Variants in PHACTR2 observed in about 807,000 individuals in gnomAD.
PHACTR2 encodes phosphatase and actin regulator 2.
Under a neutral mutation model 76.0 loss-of-function variants are expected in PHACTR2, and 30 were observed. The observed-to-expected ratio is 0.39, with a 90% confidence interval of 0.30 to 0.54. The LOEUF is 0.54. Ranked by LOEUF, PHACTR2 falls within the 20% of genes least tolerant of loss-of-function variation. The pLI, the probability that PHACTR2 is intolerant of heterozygous loss-of-function variation, is 0.61. For missense variants in PHACTR2, 696 were observed against 781.1 expected (o/e 0.89, Z 1.30); for synonymous variants, 292 against 292.5 (o/e 1.00, Z 0.02).
chr6:143,823,734 G>T lies in PHACTR2; in HGVS notation c.*45G>T. 6.5e-7 allele frequency: 1 copy of T among 1,535,330 alleles called. No individual in the cohort carries two copies. The highest frequency in any genetic ancestry group is 9.0e-7 in the Non-Finnish European group (1 of 1,108,432). On this transcript the variant is annotated 3_prime_UTR_variant, in exon 13 of 13. Transcript: ENST00000440869. This position sits in a 1 kb window ranked among gnomAD's most constrained non-coding sequence, Gnocchi z 5.7. Reference sequence around the variant, plus strand: ...GAAACAGAGACTGATCATCTTTGGGGGAAGCCCTGCTTCCTGAAAACCTGA... The same window carrying T: ...GAAACAGAGACTGATCATCTTTGGGTGAAGCCCTGCTTCCTGAAAACCTGA...
Position 143,553,470 on chromosome 6 carries a change from G to A in PHACTR2, c.217+16263G>A, listed in dbSNP as rs1775122101. ...AACCCAGCTGGGTTTGTTAACTGGT[G>A]CTTATGGAAGTCAGGCTCCCACCCT... On this transcript the variant is annotated intron_variant, in intron 1 of 11. Coordinates refer to the PHACTR2 transcript ENST00000367584. The surrounding 1 kb of genome is among the most constrained non-coding windows in gnomAD (Gnocchi z 4.2). 2.0e-5 allele frequency among the ~76,000 whole-genome samples: 3 copies of A among 152,160 alleles called. No individual in the cohort carries two copies. Among genetic ancestry groups the A allele is most frequent in the Admixed American group, 2.0e-4 (3 of 15,278 alleles).
intron 4 of PHACTR2, among the ~76,000 whole-genome samples, chr6:143,756,684 GC>G (rs1399269532): frequency 1.5e-5 from 2 of 132,250 alleles, no homozygotes; most frequent in Non-Finnish European, 3.2e-5. Flanking sequence ...GGGCGACAGA[GC>G]GAGACTCCGT....
Position 143,689,175 on chromosome 6 carries a change from AC to A in PHACTR2, c.46+10970del, listed in dbSNP as rs1009687489. Among the ~76,000 whole-genome samples the A allele has an allele frequency of 3.8e-4, 57 of 151,762 alleles. No homozygotes were observed. Among genetic ancestry groups the A allele is most frequent in the African/African-American group, 1.2e-3 (51 of 41,326 alleles). The stretch of plus-strand genomic sequence containing the variant: ...TGCTTCATAGAGACCTTCCCTGCCT[AC>A]CCCTCTCCAGAATAACCCACCCAGG... On this transcript the variant is annotated intron_variant, in intron 1 of 12. Transcript: ENST00000440869. The surrounding 1 kb of genome is among the most constrained non-coding windows in gnomAD (Gnocchi z 4.4).
At chr6:143,686,512 G>A (rs1220506757) in intron 1 of PHACTR2, among the ~76,000 whole-genome samples, 1 of 101,038 alleles carries the variant, frequency 9.9e-6, no homozygotes, top group Non-Finnish European at 1.9e-5. Context: ...TTTTGAGACA[G>A]AGTCTCGCTC....
In PHACTR2 at chr6:143,549,121, A is replaced by T. The variant is rs1476495903; in HGVS notation, c.217+11914A>T. Among the ~76,000 whole-genome samples, 1 of 151,870 alleles carries T rather than the reference A, an allele frequency of 6.6e-6. No individual in the cohort carries two copies. The highest frequency in any genetic ancestry group is 1.5e-5 in the Non-Finnish European group (1 of 67,900). On this transcript the variant is annotated intron_variant, in intron 1 of 11. Transcript: ENST00000367584. This position sits in a 1 kb window ranked among gnomAD's most constrained non-coding sequence, Gnocchi z 4.2. Reference sequence around the variant, plus strand: ...GAACATGCCAGTCTGTAGGGTGCACATTTCCACAGAGCTGTCTGGGCCCCT... The same window carrying T: ...GAACATGCCAGTCTGTAGGGTGCACTTTTCCACAGAGCTGTCTGGGCCCCT...
In PHACTR2 at chr6:143,689,890, G is replaced by A. The variant is rs116702972; in HGVS notation, c.46+11681G>A. Among the ~76,000 whole-genome samples, 5,505 of 152,016 alleles carry A rather than the reference G, an allele frequency of 0.036. 305 individuals are homozygous for A. The highest frequency in any genetic ancestry group is 0.12 in the African/African-American group (5,129 of 41,448). On this transcript the variant is annotated intron_variant, in intron 1 of 12. Coordinates refer to ENST00000440869, the MANE Select transcript of PHACTR2 (RefSeq NM_001100164.2). This position sits in a 1 kb window ranked among gnomAD's most constrained non-coding sequence, Gnocchi z 4.4. ...GTATTTTTAGTAGCGACAGGGTTTC[G>A]CCAGGCTGGTCTTGGCAATCTGGTC...
At chr6:143,746,104 C>A (rs1036515800) in intron 2 of PHACTR2, among the ~76,000 whole-genome samples, 1 of 152,158 alleles carries the variant, frequency 6.6e-6, no homozygotes, top group Admixed American at 6.5e-5. Flanking sequence ...CAAGAACGAA[C>A]GTTTTAAAAG....
rs1349061526 is a variant in PHACTR2 at position 143,764,939 on chromosome 6, C to T, written c.695-322C>T. ...ATAACATTCCTTCTTGAGAGCATAC[C>T]GGGCTTTTTTCAAGTGAACCATAGA... is the stretch of plus-strand genomic sequence containing the variant. On this transcript the variant is annotated intron_variant, in intron 5 of 12. Coordinates refer to ENST00000440869, the MANE Select transcript of PHACTR2 (RefSeq NM_001100164.2). The surrounding 1 kb of genome is among the most constrained non-coding windows in gnomAD (Gnocchi z 4.7). Among the ~76,000 whole-genome samples the T allele has an allele frequency of 6.6e-6, 1 of 152,044 alleles. No individual in the cohort carries two copies. Among genetic ancestry groups the T allele is most frequent in the Non-Finnish European group, 1.5e-5 (1 of 68,008 alleles).
intron 2 of PHACTR2, among the ~76,000 whole-genome samples, chr6:143,741,207 T>A (rs1222404411): frequency 6.7e-6 from 1 of 149,600 alleles, no homozygotes; most frequent in East Asian, 2.0e-4. Flanking sequence ...GGAAACCCCA[T>A]CTCTACTAAA....
At position 143,537,696 on chromosome 6, in the gene PHACTR2, T is replaced by C. The variant is rs370343975; in HGVS notation, c.217+489T>C. On this transcript the variant is annotated intron_variant, in intron 1 of 11. Transcript: ENST00000367584. This position sits in a 1 kb window ranked among gnomAD's most constrained non-coding sequence, Gnocchi z 4.4. ...AATAAAGACGCCTTTTGCGGGTTGC[T>C]GGTAAGAGGACCCGGGATATGAGTT... Among the ~76,000 whole-genome samples, 31 of 152,302 alleles carry C rather than the reference T, an allele frequency of 2.0e-4. No homozygotes were observed. In the East Asian group the frequency reaches 5.6e-3, roughly 28 times the overall value.
intron 2 of PHACTR2, 115 bp downstream of exon 2, chr6:143,712,298 A>G: frequency 1.7e-6 from 1 of 603,524 alleles, no homozygotes; most frequent in Non-Finnish European, 2.5e-6. Context: ...CGTATTTGAA[A>G]TGAAATTCTT....
upstream of PHACTR2, among the ~76,000 whole-genome samples, chr6:143,604,005 C>T (rs1282194453): frequency 2.7e-5 from 4 of 149,578 alleles, no homozygotes; most frequent in Admixed American, 1.3e-4. Context: ...AACTGAGGCT[C>T]GAGAATCACT....
At chr6:143,667,570 C>T (rs900167023) in intron 1 of PHACTR2, among the ~76,000 whole-genome samples, 2 of 152,116 alleles carry the variant, frequency 1.3e-5, no homozygotes, top group Non-Finnish European at 2.9e-5. Context: ...ATTTGCAGTT[C>T]TCCTTGAAGA....
chr6:143,634,562 A>G (rs746595166), intron 1 of PHACTR2, among the ~76,000 whole-genome samples: 53 of 152,240 alleles, frequency 3.5e-4, no homozygotes, highest in Non-Finnish European at 6.9e-4. Context: ...TCATTGTACC[A>G]TAAGTGTTTA....
chr6:143,587,033 T>C (rs748832250), intron 1 of PHACTR2, among the ~76,000 whole-genome samples: 1 of 152,188 alleles, frequency 6.6e-6, no homozygotes, highest in African/African-American at 2.4e-5. Flanking sequence ...TAGCTCCTCA[T>C]ATAAGATTAG....
In PHACTR2 at chr6:143,775,341, G is replaced by C. The variant is rs183116666; in HGVS notation, c.1589+1126G>C. Among the ~76,000 whole-genome samples, 1 of 152,124 alleles carries C rather than the reference G, an allele frequency of 6.6e-6. No homozygotes were observed. The highest frequency in any genetic ancestry group is 2.1e-4 in the South Asian group (1 of 4,826). On this transcript the variant is annotated intron_variant, in intron 8 of 12. Transcript: ENST00000440869. The surrounding 1 kb of genome is among the most constrained non-coding windows in gnomAD (Gnocchi z 4.4). Reference sequence around the variant, plus strand: ...GGAATGTTTACCAGTGGTCTCTCTCGCTCTCGTCTTCTTAATTCAGCCCTA... The same window carrying C: ...GGAATGTTTACCAGTGGTCTCTCTCCCTCTCGTCTTCTTAATTCAGCCCTA...
chr6:143,760,674 T>G lies in PHACTR2; in HGVS notation c.694+34T>G. 6.2e-7 allele frequency: 1 copy of G among 1,605,768 alleles called. No homozygotes were observed. The highest frequency in any genetic ancestry group is 8.5e-7 in the Non-Finnish European group (1 of 1,175,678). On this transcript the variant is annotated intron_variant, in intron 5 of 12. Transcript: ENST00000440869. This position sits in a 1 kb window ranked among gnomAD's most constrained non-coding sequence, Gnocchi z 6.4. ...GCCCCCAGTGCCCTGTGGGGTCACT[T>G]CTAGGGTGCTTGGCTCTGGGATGGG... is the stretch of plus-strand genomic sequence containing the variant.
In PHACTR2 at chr6:143,712,106, C is replaced by G. The variant is rs774155959; in HGVS notation, c.137C>G (p.Ser46Cys). 6.3e-7 allele frequency: 1 copy of G among 1,593,760 alleles called. No individual in the cohort carries two copies. Among genetic ancestry groups the G allele is most frequent in the Admixed American group, 1.8e-5 (1 of 55,174 alleles). Reference sequence around the variant, plus strand: ...CCCTTCAAAAGAAAGGGGAAACTATCCACCATTGGTAAAATCTTTAAGCCT... The same window carrying G: ...CCCTTCAAAAGAAAGGGGAAACTATGCACCATTGGTAAAATCTTTAAGCCT... Reference protein sequence around the residue: ...TPPFKRKGKLSTIGKIFKPWK... With the variant: ...TPPFKRKGKLCTIGKIFKPWK... Residue 46 changes from serine (S) to cysteine (C), a missense_variant, in exon 2 of 13, where the codon TCC (serine) becomes TGC (cysteine). Physicochemically the swap from Ser to Cys is moderately radical, Grantham distance 112 (BLOSUM62 -1). Transcript: ENST00000440869.
intron 1 of PHACTR2, among the ~76,000 whole-genome samples, chr6:143,638,358 A>C (rs1776502175): frequency 6.6e-6 from 1 of 152,068 alleles, no homozygotes; most frequent in Non-Finnish European, 1.5e-5. Context: ...TGGGCAACAT[A>C]GCAAGACCCC....
Sources: gnomAD v4.1 joint callset for allele counts (sites outside exome capture counted in the v4.1 genomes callset) on GRCh38, gnomAD v4.1.1 for gene constraint, Gnocchi (gnomAD v3.1) non-coding constraint, MANE v1.5 for transcripts, NCBI Gene and HGNC (gene_info 2026-07-23, HGNC 2026-07-21) for gene names.